MAP7: variants seen among roughly 807,000 people sequenced by gnomAD.
MAP7 encodes ensconsin.
A neutral mutation model predicts 94.8 loss-of-function variants in MAP7; 52 were observed. That is an observed-to-expected ratio of 0.55 (90% CI 0.44 to 0.69). The LOEUF is 0.69. MAP7 is among the 30% of genes least tolerant of loss of function. MAP7 has a pLI of 0.00. For missense variants in MAP7, 940 were observed against 964.6 expected (o/e 0.97, Z 0.34); for synonymous variants, 350 against 357.0 (o/e 0.98, Z 0.22).
chr6:136,406,704 C>T (rs1343864478), intron 3 of MAP7, among the ~76,000 whole-genome samples: 1 of 152,110 alleles, frequency 6.6e-6, no homozygotes, highest in African/African-American at 2.4e-5. Flanking sequence ...GCCTGTAATC[C>T]CAGCTACTCG....
intron 1 of MAP7, among the ~76,000 whole-genome samples, chr6:136,546,089 T>C (rs987786514): frequency 1.3e-5 from 2 of 152,176 alleles, no homozygotes; most frequent in African/African-American, 4.8e-5. Flanking sequence ...CTTGGCTCAC[T>C]GCAACCTCAA....
rs368077547 is a variant in MAP7 at position 136,550,409 on chromosome 6, G to A, written c.-1C>T. 119 of 1,521,028 alleles carry A rather than the reference G, an allele frequency of 7.8e-5. No homozygotes were observed. Among genetic ancestry groups the A allele is most frequent in the Non-Finnish European group, 9.4e-5 (107 of 1,141,740 alleles). 94.2% of individuals were successfully genotyped at this position (1,521,028 alleles called of 1,614,324 possible). ...CGCCGCCAGCTCCTAGCTCCGCCAT[G>A]GTGCTCCGATGACGCGCCCGGAGAG... On this transcript the variant is annotated 5_prime_UTR_variant, in exon 1 of 18. Coordinates refer to ENST00000354570, the MANE Select transcript of MAP7 (RefSeq NM_003980.6). This position sits in a 1 kb window ranked among gnomAD's most constrained non-coding sequence, Gnocchi z 5.1.
chr6:136,504,234 G>A (rs1820679884), intron 1 of MAP7, among the ~76,000 whole-genome samples: 1 of 152,130 alleles, frequency 6.6e-6, no homozygotes, highest in Admixed American at 6.5e-5. Flanking sequence ...CCCTGGGAAG[G>A]GAAATAGGGA....
intron 1 of MAP7, among the ~76,000 whole-genome samples, chr6:136,501,292 A>G (rs1460033649): frequency 3.3e-5 from 5 of 152,216 alleles, no homozygotes; most frequent in Admixed American, 1.3e-4. Flanking sequence ...AAAAGCACTC[A>G]CTTCCTCTCC....
At chr6:136,514,462 T>C (rs936305735) in intron 1 of MAP7, among the ~76,000 whole-genome samples, 2 of 151,648 alleles carry the variant, frequency 1.3e-5, no homozygotes, top group African/African-American at 4.8e-5. Context: ...GGTGTACACC[T>C]GTAATCCCAG....
intron 1 of MAP7, among the ~76,000 whole-genome samples, chr6:136,448,666 GC>G (rs1800106397): frequency 6.6e-6 from 1 of 151,894 alleles, no homozygotes; most frequent in Non-Finnish European, 1.5e-5. Context: ...TCCCGCCTTG[GC>G]CTTCCAAAGT....
chr6:136,530,170 T>C (rs1004852129), intron 1 of MAP7, among the ~76,000 whole-genome samples: 1 of 152,188 alleles, frequency 6.6e-6, no homozygotes, highest in African/African-American at 2.4e-5. Context: ...CCAGTGAGCT[T>C]TACAAAAACA....
intron 1 of MAP7, among the ~76,000 whole-genome samples, chr6:136,541,813 C>G (rs1054566096): frequency 6.6e-6 from 1 of 152,198 alleles, no homozygotes; most frequent in South Asian, 2.1e-4. Context: ...AATTCCAGCA[C>G]TTTAGGAGGC....
At chr6:136,353,286 A>G (rs1056649683) in intron 16 of MAP7, among the ~76,000 whole-genome samples, 15 of 152,228 alleles carry the variant, frequency 9.9e-5, no homozygotes, top group African/African-American at 3.6e-4. Flanking sequence ...AGGTAGCACC[A>G]GCTTATTTGA....
rs1036818472 is a variant in MAP7 at position 136,497,582 on chromosome 6, C to T, written c.67+52760G>A. Among the ~76,000 whole-genome samples the T allele has an allele frequency of 1.5e-4, 23 of 151,012 alleles. 1 individual carries two copies. The highest frequency in any genetic ancestry group is 9.8e-4 in the East Asian group (5 of 5,128). On this transcript the variant is annotated intron_variant, in intron 1 of 17. Coordinates refer to ENST00000354570, the MANE Select transcript of MAP7 (RefSeq NM_003980.6). ...TGGGAGGCTGAAGGTGGGCAGATCACGAGGTCAGGAGTTCGAGACCAGCCT... is the reference window on the plus strand; with the variant it reads ...TGGGAGGCTGAAGGTGGGCAGATCATGAGGTCAGGAGTTCGAGACCAGCCT...
At chr6:136,455,252 A>G (rs1358887870) in intron 1 of MAP7, among the ~76,000 whole-genome samples, 1 of 152,174 alleles carries the variant, frequency 6.6e-6, no homozygotes, top group Non-Finnish European at 1.5e-5. Context: ...AGAATATTAT[A>G]TAATGATAAA....
chr6:136,476,657 T>C (rs1811018570), intron 1 of MAP7, among the ~76,000 whole-genome samples: 2 of 152,148 alleles, frequency 1.3e-5, no homozygotes, highest in South Asian at 4.1e-4. Flanking sequence ...CAATTCATAA[T>C]CTATCACACC....
chr6:136,366,347 T>C lies in MAP7; in HGVS notation c.969A>G (p.Gln323=). The change falls in exon 9 of 18, where the codon CAA becomes CAG. Residue 323 remains glutamine, a synonymous_variant. Transcript: ENST00000354570. Reference sequence around the variant, plus strand: ...CTTACCAAAGTCGGGAGCGAGCTGGTTGTCTTGCTTTGGGATTAGATGGAG... The same window carrying C: ...CTTACCAAAGTCGGGAGCGAGCTGGCTGTCTTGCTTTGGGATTAGATGGAG... ...AVSPSNPKAR[Q]PARSRLWLPS... is the part of the protein sequence containing the mutation. The C allele has an allele frequency of 2.5e-6, 4 of 1,614,084 alleles. No homozygotes were observed. Among genetic ancestry groups the C allele is most frequent in the Non-Finnish European group, 3.4e-6 (4 of 1,179,948 alleles).
intron 1 of MAP7, among the ~76,000 whole-genome samples, chr6:136,498,841 A>G (rs143361636): frequency 6.6e-6 from 1 of 152,148 alleles, no homozygotes; most frequent in East Asian, 1.9e-4. Flanking sequence ...CAGGCCCAAA[A>G]GTAGAAAAGG....
intron 1 of MAP7, chr6:136,526,258 C>T: frequency 8.8e-7 from 1 of 1,132,370 alleles, no homozygotes; most frequent in Non-Finnish European, 1.1e-6. Flanking sequence ...CCGGCTCATG[C>T]ATGCACGTAC....
chr6:136,498,243 G>C, intron 1 of MAP7, among the ~76,000 whole-genome samples: 1 of 152,002 alleles, frequency 6.6e-6, no homozygotes, highest in East Asian at 1.9e-4. Context: ...ACACTGTAAA[G>C]TTAAACCCAT....
chr6:136,398,839 G>C (rs1248539430), intron 3 of MAP7, among the ~76,000 whole-genome samples: 2 of 152,188 alleles, frequency 1.3e-5, no homozygotes, highest in Non-Finnish European at 2.9e-5. Flanking sequence ...AACTCAGGTA[G>C]AACAGTGAAC....
At chr6:136,411,566 G>A (rs1272711906) in intron 3 of MAP7, 54 bp downstream of exon 3, 5 of 1,452,076 alleles carry the variant, frequency 3.4e-6, no homozygotes, top group Non-Finnish European at 2.8e-6. Context: ...AAAGACCACG[G>A]TATTATAGTG....
intron 3 of MAP7, among the ~76,000 whole-genome samples, chr6:136,408,578 TA>T (rs1786351416): frequency 6.6e-6 from 1 of 152,194 alleles, no homozygotes; most frequent in African/African-American, 2.4e-5. Context: ...CAACAGTAAA[TA>T]ACCAGTCTCC....
Sources: gnomAD v4.1 joint callset for allele counts (sites outside exome capture counted in the v4.1 genomes callset) on GRCh38, gnomAD v4.1.1 for gene constraint, Gnocchi (gnomAD v3.1) non-coding constraint, MANE v1.5 for transcripts, NCBI Gene and HGNC (gene_info 2026-07-23, HGNC 2026-07-21) for gene names.